PCDH9: variants seen among roughly 807,000 people sequenced by gnomAD.
The protein encoded by PCDH9 is protocadherin 9.
Under a neutral mutation model 70.6 loss-of-function variants are expected in PCDH9, and 24 were observed. That is an observed-to-expected ratio of 0.34 (90% CI 0.25 to 0.48). The LOEUF is 0.48. Among genes scored for constraint, PCDH9 ranks in the 20% least tolerant of loss-of-function variants. The pLI is 0.99. For synonymous variants in PCDH9, 562 were observed against 558.5 expected, an observed-to-expected ratio of 1.01 and a Z score of -0.09; for missense variants, 1,281 against 1,503.6, an observed-to-expected ratio of 0.85 and a Z score of 2.45.
At chr13:66,837,075 T>C (rs1056224212) in intron 3 of PCDH9, among the ~76,000 whole-genome samples, 1 of 152,224 alleles carries the variant, frequency 6.6e-6, no homozygotes, top group Non-Finnish European at 1.5e-5. Context: ...CCTTGGCATA[T>C]GTTCTCACGC....
intron 2 of PCDH9, among the ~76,000 whole-genome samples, chr13:66,922,741 T>A (rs1314519564): frequency 6.6e-6 from 1 of 151,536 alleles, no homozygotes; most frequent in Non-Finnish European, 1.5e-5. Flanking sequence ...GCTATTATAT[T>A]AGAAATGAGG....
chr13:66,812,322 T>C (rs2080524099), intron 3 of PCDH9, among the ~76,000 whole-genome samples: 1 of 152,080 alleles, frequency 6.6e-6, no homozygotes, highest in Non-Finnish European at 1.5e-5. Context: ...TGGATAGTAC[T>C]AAACTAGACA....
At chr13:66,870,792 A>T (rs1240260635) in intron 3 of PCDH9, among the ~76,000 whole-genome samples, 1 of 152,270 alleles carries the variant, frequency 6.6e-6, no homozygotes, top group South Asian at 2.1e-4. Flanking sequence ...TGGTGGTGGG[A>T]CTGTAAACTA....
intron 3 of PCDH9, among the ~76,000 whole-genome samples, chr13:66,902,764 T>C (rs1185833527): frequency 6.6e-6 from 1 of 151,678 alleles, no homozygotes; most frequent in Non-Finnish European, 1.5e-5. Flanking sequence ...ACTCTACACT[T>C]AAAAACGGCT....
intron 2 of PCDH9, among the ~76,000 whole-genome samples, chr13:67,030,381 T>C (rs568631618): frequency 4.5e-4 from 68 of 152,136 alleles, no homozygotes; most frequent in South Asian, 1.0e-3. Context: ...CTGCTCTTCA[T>C]CAAAAAAAGT....
At chr13:67,091,421 C>A (rs565645469) in intron 2 of PCDH9, among the ~76,000 whole-genome samples, 2 of 152,204 alleles carry the variant, frequency 1.3e-5, no homozygotes, top group African/African-American at 4.8e-5. Flanking sequence ...CCTCCAACTA[C>A]AAATATTTTC....
chr13:66,561,210 A>C (rs900724258), intron 4 of PCDH9, among the ~76,000 whole-genome samples: 2 of 152,190 alleles, frequency 1.3e-5, no homozygotes, highest in Non-Finnish European at 2.9e-5. Flanking sequence ...CGCCTGGGCC[A>C]GCAGCTGCTG....
intron 3 of PCDH9, among the ~76,000 whole-genome samples, chr13:66,711,190 C>T (rs1364793235): frequency 6.6e-6 from 1 of 152,084 alleles, no homozygotes; most frequent in Non-Finnish European, 1.5e-5. Context: ...CAACATTATG[C>T]ACTTGCTACA....
At chr13:66,838,140 A>G (rs2081054311) in intron 3 of PCDH9, among the ~76,000 whole-genome samples, 1 of 152,116 alleles carries the variant, frequency 6.6e-6, no homozygotes, top group African/African-American at 2.4e-5. Flanking sequence ...CATATATTTC[A>G]TTCTATAATA....
chr13:66,861,218 C>T (rs1012692684), intron 3 of PCDH9, among the ~76,000 whole-genome samples: 6 of 152,082 alleles, frequency 3.9e-5, no homozygotes, highest in South Asian at 2.1e-4. Flanking sequence ...GAGTTAAGTG[C>T]GGCACTTTCA....
At chr13:66,828,616 A>G (rs1168620159) in intron 3 of PCDH9, among the ~76,000 whole-genome samples, 1 of 152,170 alleles carries the variant, frequency 6.6e-6, no homozygotes, top group East Asian at 1.9e-4. Flanking sequence ...ACAGCAGAAC[A>G]AAGCTAAACT....
intron 3 of PCDH9, among the ~76,000 whole-genome samples, chr13:66,781,400 G>A (rs923338603): frequency 1.1e-4 from 17 of 152,128 alleles, no homozygotes; most frequent in Admixed American, 2.6e-4. Context: ...TCACAAATGC[G>A]CTATGCTGCA....
chr13:67,212,604 C>T (rs959068875), intron 2 of PCDH9: 5 of 152,062 alleles, frequency 3.3e-5, no homozygotes, highest in African/African-American at 1.2e-4. Context: ...AATTTCACAG[C>T]TAAATGTCAG....
At chr13:66,338,729 G>A (rs1416523784) in intron 4 of PCDH9, among the ~76,000 whole-genome samples, 1 of 151,810 alleles carries the variant, frequency 6.6e-6, no homozygotes, top group Non-Finnish European at 1.5e-5. Context: ...TGACCACTGG[G>A]CTGATGGATG....
intron 3 of PCDH9, among the ~76,000 whole-genome samples, chr13:66,753,563 T>C (rs1177254260): frequency 6.6e-6 from 1 of 152,136 alleles, no homozygotes; most frequent in Non-Finnish European, 1.5e-5. Flanking sequence ...ATAAAATAAA[T>C]ACTAATGAGG....
intron 4 of PCDH9, among the ~76,000 whole-genome samples, chr13:66,333,392 G>A (rs910321118): frequency 6.6e-6 from 1 of 152,130 alleles, no homozygotes; most frequent in Non-Finnish European, 1.5e-5. Flanking sequence ...ATGAAGGCTA[G>A]ACCAGCAGGG....
At chr13:66,707,965 CTTT>C (rs998766610) in intron 3 of PCDH9, among the ~76,000 whole-genome samples, 2 of 152,196 alleles carry the variant, frequency 1.3e-5, no homozygotes, top group African/African-American at 4.8e-5. Flanking sequence ...GTAGATTTCT[CTTT>C]ACCTTTTTTA....
At chr13:66,874,626 G>A (rs2081763876) in intron 3 of PCDH9, among the ~76,000 whole-genome samples, 1 of 152,050 alleles carries the variant, frequency 6.6e-6, no homozygotes, top group Non-Finnish European at 1.5e-5. Flanking sequence ...AAAACTAAGA[G>A]AAGTAAATGA....
chr13:66,903,595 T>C lies in PCDH9; in HGVS notation c.3047A>G (p.His1016Arg). Residue 1016 changes from histidine (H) to arginine (R), a missense_variant, in exon 3 of 5, where the codon CAC becomes CGC. His to Arg is a conservative substitution (Grantham distance 29). Around this residue, in one of 4 missense-constraint regions of PCDH9, gnomAD observed 264 missense variants for 278.8 expected, o/e 0.95. Coordinates refer to ENST00000377865, the MANE Select transcript of PCDH9 (RefSeq NM_203487.3). Reference protein sequence around the residue: ...GPLHTRQCNSHSKSDNIPVTP... With the variant: ...GPLHTRQCNSRSKSDNIPVTP... ...GACAGGAATATTGTCACTTTTGCTG[T>C]GTGAGTTACACTGAAAGAGATTACC... The C allele has an allele frequency of 6.8e-7, 1 of 1,473,768 alleles. No individual in the cohort carries two copies. The highest frequency in any genetic ancestry group is 9.5e-7 in the Non-Finnish European group (1 of 1,054,018). 91.3% of individuals were successfully genotyped at this position (1,473,768 alleles called of 1,614,324 possible).
Sources: allele counts gnomAD v4.1 joint callset (sites outside exome capture counted in the v4.1 genomes callset), GRCh38; gene constraint gnomAD v4.1.1; regional missense constraint gnomAD v4.1.1; transcripts MANE v1.5; gene names NCBI Gene and HGNC (gene_info 2026-07-23, HGNC 2026-07-21).